RBFOX1: variants seen among roughly 807,000 people sequenced by gnomAD.
The protein encoded by RBFOX1 is RNA binding fox-1 homolog 1, also known as RNA binding protein fox-1 homolog 1.
RBFOX1 carries 8 observed loss-of-function variants against 57.7 expected under a neutral mutation model. The ratio of observed to expected loss-of-function variants is 0.14; its 90% CI spans 0.08 to 0.25. The LOEUF (loss-of-function observed/expected upper bound fraction) is 0.25, where lower values mean the gene tolerates loss of function less well. RBFOX1 is among the 10% of genes least tolerant of loss of function. The probability of loss-of-function intolerance (pLI) is 1.00; values close to 1 mark genes in which losing one functional copy is unlikely to be tolerated. For missense variants in RBFOX1, 611 were observed against 548.5 expected (o/e 1.11, Z -1.14); for synonymous variants, 326 against 222.4 (o/e 1.47, Z -4.15).
chr16:5,846,079 G>A (rs2056748938), intron 3 of RBFOX1, among the ~76,000 whole-genome samples: 1 of 152,090 alleles, frequency 6.6e-6, no homozygotes, highest in Non-Finnish European at 1.5e-5. Flanking sequence ...CTACTTGGGA[G>A]GCTGAGGTAG....
intron 3 of RBFOX1, among the ~76,000 whole-genome samples, chr16:6,690,897 G>T (rs1305008305): frequency 6.6e-6 from 1 of 151,944 alleles, no homozygotes; most frequent in Admixed American, 6.6e-5. Flanking sequence ...GGAATTGGCA[G>T]GTTTGGGTTT....
chr16:6,515,781 T>A (rs759128812), intron 2 of RBFOX1, among the ~76,000 whole-genome samples: 2 of 152,126 alleles, frequency 1.3e-5, no homozygotes, highest in South Asian at 4.1e-4. Flanking sequence ...ACCTGCTGTT[T>A]CCTTTACCTG....
chr16:5,932,208 A>G (rs2059075092), intron 4 of RBFOX1, among the ~76,000 whole-genome samples: 2 of 152,180 alleles, frequency 1.3e-5, no homozygotes, highest in Non-Finnish European at 2.9e-5. Flanking sequence ...GTTGGTCAAA[A>G]AAGAGGAAGT....
At chr16:6,277,929 C>G (rs1799374964) in intron 1 of RBFOX1, among the ~76,000 whole-genome samples, 1 of 152,150 alleles carries the variant, frequency 6.6e-6, no homozygotes, top group Non-Finnish European at 1.5e-5. Flanking sequence ...CTGTCTTTCA[C>G]AGCTCACTTT....
chr16:7,011,583 G>C (rs150555634), intron 3 of RBFOX1, among the ~76,000 whole-genome samples: 1 of 152,020 alleles, frequency 6.6e-6, no homozygotes, highest in African/African-American at 2.4e-5. Context: ...GCATGATCTC[G>C]GCTCACTGCA....
chr16:5,719,375 T>A (rs940667723), intron 3 of RBFOX1, among the ~76,000 whole-genome samples: 3 of 151,462 alleles, frequency 2.0e-5, no homozygotes, highest in Non-Finnish European at 2.9e-5. Flanking sequence ...CTAATTTTTT[T>A]TTTTTTTTGT....
chr16:7,196,112 A>G (rs1355980822), intron 4 of RBFOX1, among the ~76,000 whole-genome samples: 1 of 151,990 alleles, frequency 6.6e-6, no homozygotes, highest in Non-Finnish European at 1.5e-5. Context: ...TCTCTTCATC[A>G]TCCTACTCCT....
In RBFOX1 at chr16:6,825,973, T is replaced by C. The variant is rs116709520; in HGVS notation, c.-16+171323T>C. ...CATCCTTTAACGATACGAGTTTCCA[T>C]GTCTGCAAAAATGTTGAACCTTCTT... On this transcript the variant is annotated intron_variant, in intron 3 of 15. Transcript: ENST00000550418. 9.7e-3 allele frequency among the ~76,000 whole-genome samples: 1,482 copies of C among 152,246 alleles called. 31 individuals carry two copies. Among genetic ancestry groups the C allele is most frequent in the African/African-American group, 0.034 (1,401 of 41,538 alleles).
chr16:5,583,706 G>A (rs188402604), intron 2 of RBFOX1, among the ~76,000 whole-genome samples: 42 of 152,270 alleles, frequency 2.8e-4, no homozygotes, highest in Non-Finnish European at 5.1e-4. Context: ...AAGATTTATT[G>A]GGCTTTTAGG....
chr16:7,211,391 C>CCAAA (rs371099506), intron 4 of RBFOX1, among the ~76,000 whole-genome samples: 1 of 83,942 alleles, frequency 1.2e-5, no homozygotes, highest in Admixed American at 1.5e-4. Flanking sequence ...GACTGCCTCT[C>CCAAA]AAAAAAAAAA....
intron 4 of RBFOX1, among the ~76,000 whole-genome samples, chr16:7,073,973 A>G (rs988674611): frequency 1.3e-5 from 2 of 152,312 alleles, no homozygotes; most frequent in South Asian, 2.1e-4. Context: ...GTTTCTGTAA[A>G]TATTCTTATT....
At chr16:6,216,195 T>A (rs956798525) in intron 1 of RBFOX1, among the ~76,000 whole-genome samples, 1 of 152,086 alleles carries the variant, frequency 6.6e-6, no homozygotes, top group East Asian at 1.9e-4. Flanking sequence ...GCTTAATACC[T>A]GGGTGCTGAA....
intron 3 of RBFOX1, among the ~76,000 whole-genome samples, chr16:5,746,864 A>G (rs2053004496): frequency 6.6e-6 from 1 of 152,222 alleles, no homozygotes; most frequent in Non-Finnish European, 1.5e-5. Flanking sequence ...TTTTCTAAAT[A>G]TACAATCATG....
At position 7,710,907 on chromosome 16, in the gene RBFOX1, T is replaced by C. The variant is rs1283822857; in HGVS notation, c.*162T>C. On this transcript the variant is annotated 3_prime_UTR_variant, in exon 16 of 16. Coordinates refer to ENST00000550418, the MANE Select transcript of RBFOX1 (RefSeq NM_018723.4). Reference sequence around the variant, plus strand: ...TACATTTTTTATCTTATACCTCAGATATTTTGTTCTGTGTATTTTAATATT... The same window carrying C: ...TACATTTTTTATCTTATACCTCAGACATTTTGTTCTGTGTATTTTAATATT... 1.3e-6 allele frequency: 1 copy of C among 788,990 alleles called. No individual in the cohort carries two copies. The highest frequency in any genetic ancestry group is 1.8e-6 in the Non-Finnish European group (1 of 566,392). The allele number at this position is 788,990 out of a possible 1,614,324, so 48.9% of individuals were successfully genotyped here. A position where few individuals can be genotyped will look rare whatever the true frequency, so the allele number is the denominator to read the frequency against.
At chr16:5,690,202 C>T (rs2151457482) in intron 3 of RBFOX1, among the ~76,000 whole-genome samples, 1 of 152,332 alleles carries the variant, frequency 6.6e-6, no homozygotes, top group East Asian at 1.9e-4. Flanking sequence ...AATGAAAGGG[C>T]ATACATTGAA....
chr16:6,916,784 G>T (rs992819607), intron 3 of RBFOX1, among the ~76,000 whole-genome samples: 42 of 151,972 alleles, frequency 2.8e-4, no homozygotes, highest in Non-Finnish European at 2.9e-5. Flanking sequence ...TCCCATCTTT[G>T]AAGGCTGAGT....
At chr16:7,601,143 T>C (rs551451197) in intron 9 of RBFOX1, among the ~76,000 whole-genome samples, 6 of 152,228 alleles carry the variant, frequency 3.9e-5, no homozygotes, top group African/African-American at 9.6e-5. Flanking sequence ...AGGATGAAAA[T>C]GGGGCAAACA....
intron 3 of RBFOX1, among the ~76,000 whole-genome samples, chr16:5,701,550 C>G (rs1224400269): frequency 6.6e-6 from 1 of 152,108 alleles, no homozygotes; most frequent in Non-Finnish European, 1.5e-5. Context: ...TCAAGCCATT[C>G]TCTCCAGTGG....
chr16:5,505,582 T>C (rs1303123778), intron 2 of RBFOX1, among the ~76,000 whole-genome samples: 1 of 152,098 alleles, frequency 6.6e-6, no homozygotes, highest in Non-Finnish European at 1.5e-5. Flanking sequence ...TGGGAGGAGC[T>C]TACATGCAAC....
Sources: gnomAD v4.1 joint callset for allele counts (sites outside exome capture counted in the v4.1 genomes callset) on GRCh38, gnomAD v4.1.1 for gene constraint, MANE v1.5 for transcripts, NCBI Gene and HGNC (gene_info 2026-07-23, HGNC 2026-07-21) for gene names.